The following RAI1 variants were observed in gnomAD, a reference collection of about 807,000 sequenced individuals.
The protein encoded by RAI1 is retinoic acid induced 1, also known as retinoic acid-induced protein 1.
Under a neutral mutation model 123.8 loss-of-function variants are expected in RAI1, and 9 were observed. The ratio of observed to expected loss-of-function variants is 0.07; its 90% CI spans 0.04 to 0.13. RAI1 has a LOEUF of 0.13. Among genes scored for constraint, RAI1 ranks in the 10% least tolerant of loss-of-function variants. The pLI, the probability that RAI1 is intolerant of heterozygous loss-of-function variation, is 1.00. For synonymous variants in RAI1, 1,231 were observed against 1,127.3 expected, an observed-to-expected ratio of 1.09 and a Z score of -1.84; for missense variants, 2,256 against 2,545.8, an observed-to-expected ratio of 0.89 and a Z score of 2.45.
chr17:17,689,894 A>C (rs1254544351), intron 1 of RAI1, among the ~76,000 whole-genome samples: 1 of 152,124 alleles, frequency 6.6e-6, no homozygotes, highest in Non-Finnish European at 1.5e-5. Context: ...CACCCTGGCC[A>C]GGCTTCTCAG....
chr17:17,750,689 C>CAAAAAAAAAAAA (rs57637022), intron 2 of RAI1, among the ~76,000 whole-genome samples: 2 of 79,776 alleles, frequency 2.5e-5, no homozygotes, highest in Non-Finnish European at 4.6e-5. Context: ...TACTCCGTCT[C>CAAAAAAAAAAAA]AAAAAAAAAA....
At chr17:17,802,668 G>T (rs372105919) in intron 3 of RAI1, among the ~76,000 whole-genome samples, 3 of 152,092 alleles carry the variant, frequency 2.0e-5, no homozygotes, top group African/African-American at 7.2e-5. Flanking sequence ...CCCAGCTACT[G>T]GGGAGGCTGA....
At chr17:17,754,882 A>G (rs1007814755) in intron 2 of RAI1, among the ~76,000 whole-genome samples, 4 of 152,128 alleles carry the variant, frequency 2.6e-5, no homozygotes, top group African/African-American at 7.2e-5. Context: ...GTCTACATTC[A>G]TTGGGTCCAT....
At chr17:17,770,737 A>C (rs1393330888) in intron 2 of RAI1, 1 of 152,288 alleles carries the variant, frequency 6.6e-6, no homozygotes, top group African/African-American at 2.4e-5. Context: ...GGGTGCTCAC[A>C]CACCCTGCCG....
intron 1 of RAI1, among the ~76,000 whole-genome samples, chr17:17,700,834 G>C (rs1915198786): frequency 6.6e-6 from 1 of 152,208 alleles, no homozygotes; most frequent in Non-Finnish European, 1.5e-5. Context: ...CCGTCCCCCG[G>C]CCATCTTGGG....
Position 17,768,927 on chromosome 17 carries a change from C to T in RAI1, c.-16-24006C>T, listed in dbSNP as rs147367797. 3.1e-3 allele frequency among the ~76,000 whole-genome samples: 469 copies of T among 152,280 alleles called. 4 individuals are homozygous for T. Among genetic ancestry groups the T allele is most frequent in the African/African-American group, 0.011 (444 of 41,550 alleles). On this transcript the variant is annotated intron_variant, in intron 2 of 5. Transcript: ENST00000353383. ...GAGGAGAGGAGCAAGGCCCAGGCCA[C>T]CTGGTATTCAGAAGGCTGAAGTGAC...
intron 4 of RAI1, chr17:17,804,148 CA>C (rs1467024701): frequency 2.2e-5 from 10 of 455,834 alleles, no homozygotes; most frequent in Non-Finnish European, 4.1e-5. Context: ...TGCCAAGGGG[CA>C]GGGAGGATCT....
At position 17,811,166 on chromosome 17, in the gene RAI1, T is replaced by A. The variant is rs539137740; in HGVS notation, c.*1185T>A. ...CGCAGCCCCCAGCCCAGGGCCGCCC[T>A]AGCAACTTCCTGTACATATGACTGT... On this transcript the variant is annotated 3_prime_UTR_variant, in exon 6 of 6. Coordinates refer to ENST00000353383, the MANE Select transcript of RAI1 (RefSeq NM_030665.4). 14 of 299,734 alleles carry A rather than the reference T, an allele frequency of 4.7e-5. No individual in the cohort carries two copies. In the East Asian group the frequency reaches 8.3e-4, roughly 18 times the overall value. The allele number at this position is 299,734 out of a possible 1,614,324, so 18.6% of individuals were successfully genotyped here.
chr17:17,742,804 ACCCTATGGGGC>A (rs1916688745), intron 2 of RAI1, among the ~76,000 whole-genome samples: 3 of 152,004 alleles, frequency 2.0e-5, no homozygotes, highest in Admixed American at 2.0e-4. Flanking sequence ...CTGTTCTACA[ACCCTATGGGGC>A]CCCTCGGCCA....
Position 17,797,584 on chromosome 17 carries a change from A to G in RAI1, c.4636A>G (p.Lys1546Glu), listed in dbSNP as rs762436754. 1.9e-6 allele frequency: 3 copies of G among 1,613,958 alleles called. No individual in the cohort carries two copies. Among genetic ancestry groups the G allele is most frequent in the Non-Finnish European group, 1.7e-6 (2 of 1,180,048 alleles). Residue 1546 changes from lysine (K) to glutamate (E), a missense_variant, in exon 3 of 6, where the codon AAG (lysine) becomes GAG (glutamate). Lys to Glu is a moderately conservative substitution (Grantham distance 56). Coordinates refer to ENST00000353383, the MANE Select transcript of RAI1 (RefSeq NM_030665.4). ...GAAGCGCCTCACTCGGGGCCGGGCC[A>G]AGAACACCACCTCTTCACCCTGTAA... Reference protein sequence around the residue: ...KRKRLTRGRAKNTTSSPCKGR... With the variant: ...KRKRLTRGRAENTTSSPCKGR...
At chr17:17,703,566 G>A (rs1395933593) in intron 1 of RAI1, among the ~76,000 whole-genome samples, 1 of 152,104 alleles carries the variant, frequency 6.6e-6, no homozygotes, top group African/African-American at 2.4e-5. Context: ...GGCCATTGGT[G>A]GGCAAAACAA....
rs1055260202 is a variant in RAI1, at chr17:17,809,901, C to T, written c.5710-69C>T. On this transcript the variant is annotated intron_variant, in intron 5 of 5. Coordinates refer to ENST00000353383, the MANE Select transcript of RAI1 (RefSeq NM_030665.4). The surrounding 1 kb of genome is among the most constrained non-coding windows in gnomAD (Gnocchi z 4.9). ...CTGGGGCTTAGGCGGGGGGCCCACACTGGGGGCGGGGCCTATGGACTGTGA... is the reference window on the plus strand; with the variant it reads ...CTGGGGCTTAGGCGGGGGGCCCACATTGGGGGCGGGGCCTATGGACTGTGA... The T allele has an allele frequency of 6.5e-7, 1 of 1,548,286 alleles. No individual in the cohort carries two copies. The highest frequency in any genetic ancestry group is 2.4e-5 in the East Asian group (1 of 41,096).
At position 17,803,819 on chromosome 17, in the gene RAI1, A is replaced by T. The variant is rs759677917; in HGVS notation, c.5629A>T (p.Thr1877Ser). ...IGCCHKGCLHTYHYPCASDAG... is the reference protein window; with the variant it reads ...IGCCHKGCLHSYHYPCASDAG... ...GTGCTGCCACAAAGGATGCCTCCAC[A>T]CCTACCACTACCCGTGTGCCAGCGA... The change falls in exon 4 of 6, where the codon ACC becomes TCC. Residue 1877 changes from threonine (T) to serine (S), a missense_variant. Physicochemically the swap from Thr to Ser is moderately conservative, Grantham distance 58 (BLOSUM62 1). Transcript: ENST00000353383. 1 of 1,613,162 alleles carries T rather than the reference A, an allele frequency of 6.2e-7. No homozygotes were observed. The highest frequency in any genetic ancestry group is 8.5e-7 in the Non-Finnish European group (1 of 1,179,990).
At chr17:17,741,114 C>T (rs1035765539) in intron 2 of RAI1, among the ~76,000 whole-genome samples, 3 of 151,798 alleles carry the variant, frequency 2.0e-5, no homozygotes, top group East Asian at 1.9e-4. Context: ...CACACACACT[C>T]GCGCACGCAC....
intron 1 of RAI1, among the ~76,000 whole-genome samples, chr17:17,708,041 A>G (rs1181713287): frequency 6.6e-6 from 1 of 152,154 alleles, no homozygotes; most frequent in Non-Finnish European, 1.5e-5. Context: ...GGCAGACCTC[A>G]GAAGCTGCAG....
intron 2 of RAI1, among the ~76,000 whole-genome samples, chr17:17,786,512 C>T (rs951151409): frequency 6.6e-6 from 1 of 152,148 alleles, no homozygotes; most frequent in Non-Finnish European, 1.5e-5. Flanking sequence ...CTGTTTCAAA[C>T]AGTGGTCAGG....
In RAI1 at chr17:17,754,191, C is replaced by CTTTT. The variant is rs1158475382; in HGVS notation, c.-17+30059_-17+30062dup. 8.1e-3 allele frequency among the ~76,000 whole-genome samples: 616 copies of CTTTT among 75,696 alleles called. 47 individuals are homozygous for CTTTT. Among genetic ancestry groups the CTTTT allele is most frequent in the African/African-American group, 0.023 (395 of 17,350 alleles). 49.7% of individuals were successfully genotyped at this position (75,696 alleles called of 152,430 possible). A position where few individuals can be genotyped will look rare whatever the true frequency, so the allele number is the denominator to read the frequency against. On this transcript the variant is annotated intron_variant, in intron 2 of 5. Transcript: ENST00000353383. ...TTTTATGCCATTCGCCTAACCCAAT[C>CTTTT]TTTTTTTTTTTTTTTTTTTTTTTTT...
chr17:17,742,706 G>A (rs1916684873), intron 2 of RAI1, among the ~76,000 whole-genome samples: 1 of 152,178 alleles, frequency 6.6e-6, no homozygotes, highest in Admixed American at 6.5e-5. Flanking sequence ...GCCAAGGGTG[G>A]GCACCCTTAG....
intron 1 of RAI1, among the ~76,000 whole-genome samples, chr17:17,683,351 TTC>T (rs1914511366): frequency 6.6e-6 from 1 of 152,150 alleles, no homozygotes; most frequent in Non-Finnish European, 1.5e-5. Flanking sequence ...CCCCCCTCCA[TTC>T]TCCATACAGT....
Sources: gnomAD v4.1 joint callset for allele counts (sites outside exome capture counted in the v4.1 genomes callset) on GRCh38, gnomAD v4.1.1 for gene constraint, Gnocchi (gnomAD v3.1) non-coding constraint, MANE v1.5 for transcripts, NCBI Gene and HGNC (gene_info 2026-07-23, HGNC 2026-07-21) for gene names.